WLS: variants seen among roughly 807,000 people sequenced by gnomAD.
The protein encoded by WLS is Wnt ligand secretion mediator, also known as protein wntless homolog.
In WLS, 23 loss-of-function variants were observed where a neutral mutation model predicts 62.8. The observed-to-expected ratio is 0.37, with a 90% CI of 0.26 to 0.52. The LOEUF is 0.52. Among genes scored for constraint, WLS ranks in the 20% least tolerant of loss-of-function variants. The probability of loss-of-function intolerance (pLI) is 0.92; values close to 1 mark genes in which losing one functional copy is unlikely to be tolerated. For missense variants in WLS, 615 were observed against 697.3 expected (o/e 0.88, Z 1.33); for synonymous variants, 246 against 244.1 (o/e 1.01, Z -0.07).
At chr1:68,173,983 C>CAGAA (rs1647192773) in intron 2 of WLS, among the ~76,000 whole-genome samples, 1 of 152,188 alleles carries the variant, frequency 6.6e-6, no homozygotes, top group Non-Finnish European at 1.5e-5. Flanking sequence ...CATTAAGGGG[C>CAGAA]AGAAACCAGG....
chr1:68,101,549 A>G (rs1007625009), intron 11 of WLS, among the ~76,000 whole-genome samples: 8 of 152,196 alleles, frequency 5.3e-5, no homozygotes, highest in African/African-American at 1.9e-4. Context: ...ATCCAATTCA[A>G]CCACTCACTC....
intron 11 of WLS, 57 bp from the exon 12 acceptor site, chr1:68,126,392 G>C (rs1646431968): frequency 1.2e-6 from 2 of 1,605,514 alleles, no homozygotes; most frequent in Non-Finnish European, 1.7e-6. Flanking sequence ...AGCAAGCTGG[G>C]GTTCATCTCA....
rs544885534 is a variant in WLS at position 68,156,297 on chromosome 1, C to T, written c.505-1037G>A. 7.9e-5 allele frequency among the ~76,000 whole-genome samples: 12 copies of T among 152,270 alleles called. No homozygotes were observed. The South Asian group carries it at 8.3e-4, about 11-fold the overall frequency. On this transcript the variant is annotated intron_variant, in intron 3 of 11. Coordinates refer to ENST00000262348, the MANE Select transcript of WLS (RefSeq NM_024911.7). Reference sequence around the variant, plus strand: ...AAGTGATAGGGGAGATCTAATTTGTCGTTCCTAAGCCTGAATTTGCAAGAC... The same window carrying T: ...AAGTGATAGGGGAGATCTAATTTGTTGTTCCTAAGCCTGAATTTGCAAGAC...
chr1:68,110,691 C>CTCTCTCT (rs1646216406), intron 11 of WLS, among the ~76,000 whole-genome samples: 2 of 143,072 alleles, frequency 1.4e-5, no homozygotes, highest in African/African-American at 5.2e-5. Flanking sequence ...CTCTCTCTCT[C>CTCTCTCT]CATATATATA....
chr1:68,106,950 G>C (rs943429561), intron 11 of WLS, among the ~76,000 whole-genome samples: 3 of 152,088 alleles, frequency 2.0e-5, no homozygotes, highest in Non-Finnish European at 4.4e-5. Flanking sequence ...AACCAACTAA[G>C]TCGGTATGCA....
Position 68,223,157 on chromosome 1 carries a change from A to G in WLS, c.106+9037T>C, listed in dbSNP as rs1650008786. On this transcript the variant is annotated intron_variant, in intron 1 of 11. Transcript: ENST00000262348. Reference sequence around the variant, plus strand: ...AATGGCATAATCAAGCTTCACTAACACTGTATATAAAGTAAAAGTAATAGA... The same window carrying G: ...AATGGCATAATCAAGCTTCACTAACGCTGTATATAAAGTAAAAGTAATAGA... 2.6e-5 allele frequency among the ~76,000 whole-genome samples: 4 copies of G among 152,236 alleles called. No individual in the cohort carries two copies. The South Asian group carries it at 8.3e-4, about 32-fold the overall frequency.
intron 1 of WLS, among the ~76,000 whole-genome samples, chr1:68,223,214 G>T (rs1650010627): frequency 6.6e-6 from 1 of 152,226 alleles, no homozygotes; most frequent in Non-Finnish European, 1.5e-5. Flanking sequence ...TCTCTTGGGA[G>T]TAAAATGTGC....
intron 2 of WLS, among the ~76,000 whole-genome samples, chr1:68,180,693 T>C (rs900180051): frequency 6.6e-6 from 1 of 152,174 alleles, no homozygotes; most frequent in Non-Finnish European, 1.5e-5. Flanking sequence ...CTTCACAGCC[T>C]CTGTACACTA....
At chr1:68,221,223 G>C (rs1290458659) in intron 1 of WLS, among the ~76,000 whole-genome samples, 1 of 152,170 alleles carries the variant, frequency 6.6e-6, no homozygotes, top group Non-Finnish European at 1.5e-5. Flanking sequence ...CATGCTCATG[G>C]ACCTGCAAAT....
intron 2 of WLS, 99 bp from the exon 3 acceptor site, chr1:68,159,346 A>G: frequency 7.0e-7 from 1 of 1,419,686 alleles, no homozygotes; most frequent in Non-Finnish European, 9.5e-7. Flanking sequence ...GAAACCAACG[A>G]GACAAAAGGG....
intron 11 of WLS, among the ~76,000 whole-genome samples, chr1:68,130,406 C>T (rs903039242): frequency 8.5e-5 from 13 of 152,194 alleles, no homozygotes; most frequent in Non-Finnish European, 1.8e-4. Flanking sequence ...TTCTCAAGGT[C>T]ATACACAATG....
chr1:68,192,940 C>CAA (rs112624515), intron 2 of WLS, among the ~76,000 whole-genome samples: 45,088 of 126,078 alleles, frequency 0.36, 8,850 homozygotes, highest in Non-Finnish European at 0.44. Context: ...ACTAAAAATA[C>CAA]AAAAAAAAAA....
chr1:68,200,522 T>C lies in WLS; in HGVS notation c.107-6295A>G, dbSNP rs138734542. On this transcript the variant is annotated intron_variant, in intron 1 of 11. Transcript: ENST00000262348. ...GAGACTACAAATTACTTGGTCTATG[T>C]CTATATCTTCAAAAGTTTGGGGAGC... 2.6e-3 allele frequency among the ~76,000 whole-genome samples: 386 copies of C among 150,144 alleles called. 1 individual carries two copies. The highest frequency in any genetic ancestry group is 8.9e-3 in the African/African-American group (369 of 41,262).
intron 9 of WLS, 146 bp downstream of exon 9, chr1:68,145,723 T>C: frequency 2.2e-6 from 3 of 1,370,150 alleles, no homozygotes; most frequent in African/African-American, 1.5e-5. Flanking sequence ...ATTTGGCCTC[T>C]AATTTTGCCC....
chr1:68,109,685 AG>A (rs566343868), intron 11 of WLS, among the ~76,000 whole-genome samples: 7 of 152,288 alleles, frequency 4.6e-5, no homozygotes, highest in Admixed American at 4.6e-4. Flanking sequence ...AATATAGCAC[AG>A]GAAAAAAAGA....
intron 2 of WLS, chr1:68,183,393 A>T: frequency 4.1e-6 from 1 of 246,164 alleles, no homozygotes; most frequent in South Asian, 4.5e-5. Context: ...AATTATGTGA[A>T]TATCATACTA....
chr1:68,194,222 C>G lies in WLS; in HGVS notation c.112G>C (p.Gly38Arg). 8 of 1,613,584 alleles carry G rather than the reference C, an allele frequency of 5.0e-6. No individual in the cohort carries two copies. The highest frequency in any genetic ancestry group is 6.8e-6 in the Non-Finnish European group (8 of 1,179,702). The stretch of plus-strand genomic sequence containing the variant: ...ATGTAGGACACTGCCGTTGTGGGCC[C>G]TGGAGCTGAAAAGAGAAAGTTTGTC... ...AFLVGGLIAP[G>R]PTTAVSYMSV... Residue 38 changes from glycine (G) to arginine (R), a missense_variant, in exon 2 of 12, where the codon GGG (glycine) becomes CGG (arginine). By Grantham distance (125) the Gly-to-Arg change is moderately radical. Coordinates refer to ENST00000262348, the MANE Select transcript of WLS (RefSeq NM_024911.7).
intron 6 of WLS, 116 bp from the exon 7 acceptor site, chr1:68,148,776 T>C: frequency 2.3e-6 from 2 of 856,760 alleles, no homozygotes; most frequent in Admixed American, 2.2e-5. Flanking sequence ...TCAAGCACTA[T>C]GCTAGATTCT....
chr1:68,129,870 G>A (rs546900179), intron 11 of WLS, among the ~76,000 whole-genome samples: 2 of 152,272 alleles, frequency 1.3e-5, no homozygotes, highest in Admixed American at 1.3e-4. Flanking sequence ...GAAAAAGAGT[G>A]AGAAAGAAAA....
Sources: gnomAD v4.1 joint callset for allele counts (sites outside exome capture counted in the v4.1 genomes callset) on GRCh38, gnomAD v4.1.1 for gene constraint, MANE v1.5 for transcripts, NCBI Gene and HGNC (gene_info 2026-07-23, HGNC 2026-07-21) for gene names.